The following RGL3 variants were observed in gnomAD, a reference collection of about 807,000 sequenced individuals.
RGL3 encodes the protein ral guanine nucleotide dissociation stimulator like 3.
Under a neutral mutation model 90.6 loss-of-function variants are expected in RGL3, and 85 were observed. That is an observed-to-expected ratio of 0.94 (90% CI 0.79 to 1.12). The LOEUF (loss-of-function observed/expected upper bound fraction) is 1.12. Ranked by LOEUF, RGL3 falls within the 50% of genes most tolerant of loss-of-function variation. The probability of loss-of-function intolerance (pLI) is 0.00; values close to 1 mark genes in which losing one functional copy is unlikely to be tolerated. For missense variants in RGL3, 1,034 were observed against 939.2 expected (o/e 1.10, Z -1.32); for synonymous variants, 408 against 385.5 (o/e 1.06, Z -0.68).
At chr19:11,394,562 T>A (rs987082192) in intron 18 of RGL3, 42 bp from the exon 19 acceptor site, 1 of 1,473,548 alleles carries the variant, frequency 6.8e-7, no homozygotes, top group Admixed American at 1.7e-5. Flanking sequence ...CCTCACAACC[T>A]TGTGTCACCC....
chr19:11,416,753 G>C, intron 3 of RGL3, 83 bp downstream of exon 3: 4 of 1,593,416 alleles, frequency 2.5e-6, no homozygotes, highest in Non-Finnish European at 3.4e-6. Flanking sequence ...GGTGTTTCCA[G>C]GTTCCACACC....
rs1220947054 is a variant in RGL3, at chr19:11,414,164, T to TAC, written c.637+1772_637+1773insGT. On this transcript the variant is annotated intron_variant, in intron 5 of 18. Coordinates refer to ENST00000380456, the MANE Select transcript of RGL3 (RefSeq NM_001035223.4). ...ATATATATATATATATATATATATA[T>TAC]ATATATATATATACACCTATATATA... Among the ~76,000 whole-genome samples, 128 of 111,166 alleles carry TAC rather than the reference T, an allele frequency of 1.2e-3. 2 individuals carry two copies. The highest frequency in any genetic ancestry group is 2.5e-3 in the South Asian group (9 of 3,598). 72.9% of individuals were successfully genotyped at this position (111,166 alleles called of 152,430 possible).
rs781243784 is a variant in RGL3 at position 11,406,543 on chromosome 19, A to T, written c.872T>A (p.Val291Glu). Reference sequence around the variant, plus strand: ...GTTGAACTGGGCCACGGTGGCGCGCACAGTGGGGGAGGCGCCTGCAGCCCC... The same window carrying T: ...GTTGAACTGGGCCACGGTGGCGCGCTCAGTGGGGGAGGCGCCTGCAGCCCC... Reference protein sequence around the residue: ...RPGAAGASPTVRATVAQFNTV... With the variant: ...RPGAAGASPTERATVAQFNTV... Residue 291 changes from valine to glutamate, a missense_variant, in exon 7 of 19, where the codon GTG (valine) becomes GAG (glutamate). By Grantham distance (121) the Val-to-Glu change is moderately radical (BLOSUM62 -2). Coordinates refer to ENST00000380456, the MANE Select transcript of RGL3 (RefSeq NM_001035223.4). 1.3e-5 allele frequency: 20 copies of T among 1,549,904 alleles called. No homozygotes were observed. The African/African-American group carries it at 2.7e-4, about 21-fold the overall frequency.
intron 3 of RGL3, 51 bp from the exon 4 acceptor site, chr19:11,416,718 T>C (rs1401172805): frequency 1.9e-6 from 3 of 1,600,490 alleles, no homozygotes; most frequent in African/African-American, 2.7e-5. Context: ...AGAGGGGGCT[T>C]AGGAAGAGGG....
intron 5 of RGL3, among the ~76,000 whole-genome samples, chr19:11,414,406 T>A (rs1359545637): frequency 8.3e-6 from 1 of 121,198 alleles, no homozygotes; most frequent in Non-Finnish European, 1.7e-5. Flanking sequence ...TATACCTTTA[T>A]ATATATATAC....
rs1415042186 is a variant in RGL3 at position 11,416,994 on chromosome 19, T to C, written c.213A>G (p.Ala71=). The C allele has an allele frequency of 6.2e-7, 1 of 1,613,956 alleles. No homozygotes were observed. Among genetic ancestry groups the C allele is most frequent in the South Asian group, 1.1e-5 (1 of 91,068 alleles). Residue 71 remains alanine (A), a synonymous_variant, in exon 3 of 19, where the codon GCA becomes GCG. Coordinates refer to ENST00000380456, the MANE Select transcript of RGL3 (RefSeq NM_001035223.4). ...CTCCCACCAGCCGCTCCAGGCGCGC[T>C]GCCCTCAGCACCCTCACCTTGCTGG... ...YRTSKVRVLR[A]ARLERLVGEL... is the part of the protein sequence containing the mutation.
chr19:11,407,356 C>T (rs898589248), intron 5 of RGL3, among the ~76,000 whole-genome samples: 6 of 152,022 alleles, frequency 3.9e-5, no homozygotes, highest in Admixed American at 3.3e-4. Context: ...TACTCAGTAA[C>T]TCACCACTGA....
At chr19:11,414,165 A>ATATATATATACCTT in intron 5 of RGL3, among the ~76,000 whole-genome samples, 1 of 111,234 alleles carries the variant, frequency 9.0e-6, no homozygotes, top group East Asian at 2.8e-4. Flanking sequence ...ATATATATAT[A>ATATATATATACCTT]TATATATATA....
intron 18 of RGL3, among the ~76,000 whole-genome samples, chr19:11,395,949 A>G: frequency 7.6e-6 from 1 of 131,856 alleles, no homozygotes; most frequent in Admixed American, 7.7e-5. Context: ...TTTAATTGAG[A>G]CAGGGTCTTG....
At position 11,416,150 on chromosome 19, in the gene RGL3, T is replaced by C; in HGVS notation, c.426-2A>G. On this transcript the variant is annotated splice_acceptor_variant, in intron 4 of 18. Coordinates refer to ENST00000380456, the MANE Select transcript of RGL3 (RefSeq NM_001035223.4). LOFTEE classifies it high-confidence loss of function. Reference sequence around the variant, plus strand: ...GAGCCCAGCACTGACACCACAGCCCTGGCCAGAGAGGCAGGGTCTCAGAGC... The same window carrying C: ...GAGCCCAGCACTGACACCACAGCCCCGGCCAGAGAGGCAGGGTCTCAGAGC... 1 of 1,535,504 alleles carries C rather than the reference T, an allele frequency of 6.5e-7. No homozygotes were observed. Among genetic ancestry groups the C allele is most frequent in the Admixed American group, 2.2e-5 (1 of 45,394 alleles).
At chr19:11,400,716 G>A (rs10403736) in intron 13 of RGL3, among the ~76,000 whole-genome samples, 18,363 of 151,796 alleles carry the variant, frequency 0.12, 1,513 homozygotes, top group African/African-American at 0.24. Flanking sequence ...TTAGCCAGGT[G>A]TGGTAGCTCG....
chr19:11,400,275 C>T lies in RGL3; in HGVS notation c.1507G>A (p.Glu503Lys), dbSNP rs1197657694. 1 of 1,594,034 alleles carries T rather than the reference C, an allele frequency of 6.3e-7. No homozygotes were observed. Among genetic ancestry groups the T allele is most frequent in the Admixed American group, 1.7e-5 (1 of 57,212 alleles). ...EQSYRLSRVI[E>K]PPAASCPSSP... Reference sequence around the variant, plus strand: ...CTGGGGCAGGAGGCAGCTGGTGGCTCAATGACCCGGGAGAGCCGGTAGCTG... The same window carrying T: ...CTGGGGCAGGAGGCAGCTGGTGGCTTAATGACCCGGGAGAGCCGGTAGCTG... The change falls in exon 14 of 19, where the codon GAG becomes AAG. Residue 503 changes from glutamate to lysine, a missense_variant. By Grantham distance (56) the Glu-to-Lys change is moderately conservative. Transcript: ENST00000380456.
rs1968780321 is a variant in RGL3 at position 11,406,435 on chromosome 19, C to G, written c.980G>C (p.Trp327Ser). 3 of 1,540,112 alleles carry G rather than the reference C, an allele frequency of 1.9e-6. No individual in the cohort carries two copies. The highest frequency in any genetic ancestry group is 1.7e-6 in the Non-Finnish European group (2 of 1,147,332). ...GCAACACACCTGGGCGATGCGGATC[C>G]ACTTCTCCAGCCGCTGCGCCCTCTG... ...APQRAQRLEK[W>S]IRIAQRCREL... Residue 327 changes from tryptophan to serine, a missense_variant, in exon 7 of 19, where the codon TGG becomes TCG. Coordinates refer to ENST00000380456, the MANE Select transcript of RGL3 (RefSeq NM_001035223.4).
chr19:11,406,407 C>T lies in RGL3; in HGVS notation c.996+12G>A, dbSNP rs1163975827. ...CCCGCCCCCGCATCCCCTCTCCGCG[C>T]CCGCAACACACCTGGGCGATGCGGA... On this transcript the variant is annotated intron_variant, in intron 7 of 18. Transcript: ENST00000380456. The T allele has an allele frequency of 3.9e-6, 6 of 1,526,616 alleles. No homozygotes were observed. Among genetic ancestry groups the T allele is most frequent in the African/African-American group, 2.7e-5 (2 of 72,860 alleles). 94.6% of individuals were successfully genotyped at this position (1,526,616 alleles called of 1,614,324 possible). A position where few individuals can be genotyped will look rare whatever the true frequency, so the allele number is the denominator to read the frequency against.
chr19:11,417,225 C>T (rs1234934129), intron 2 of RGL3, among the ~76,000 whole-genome samples, 166 bp from the exon 3 acceptor site: 1 of 150,814 alleles, frequency 6.6e-6, no homozygotes, highest in Non-Finnish European at 1.5e-5. Flanking sequence ...GATCTTGGGT[C>T]ACTTCAACTT....
intron 13 of RGL3, among the ~76,000 whole-genome samples, chr19:11,401,426 C>G (rs1020865608): frequency 9.4e-5 from 14 of 148,856 alleles, no homozygotes; most frequent in African/African-American, 3.5e-4. Context: ...GACGGAGTCT[C>G]GCTCTGTTGC....
chr19:11,412,280 C>CAAAAA (rs35289278), intron 5 of RGL3, among the ~76,000 whole-genome samples: 1 of 65,630 alleles, frequency 1.5e-5, no homozygotes, highest in East Asian at 3.5e-4. Flanking sequence ...AACTCCGTCT[C>CAAAAA]AAAAAAAAAA....
chr19:11,408,749 G>A (rs1968824690), intron 5 of RGL3: 1 of 152,192 alleles, frequency 6.6e-6, no homozygotes, highest in Non-Finnish European at 1.5e-5. Context: ...CCAGACATTT[G>A]TGTCTTTGAA....
intron 5 of RGL3, among the ~76,000 whole-genome samples, chr19:11,408,274 G>C (rs764071745): frequency 6.6e-6 from 1 of 152,142 alleles, no homozygotes; most frequent in Non-Finnish European, 1.5e-5. Flanking sequence ...TGTGGATTTC[G>C]TTTTTGTTTT....
Sources: allele counts gnomAD v4.1 joint callset (sites outside exome capture counted in the v4.1 genomes callset), GRCh38; gene constraint gnomAD v4.1.1; transcripts MANE v1.5; gene names NCBI Gene and HGNC (gene_info 2026-07-23, HGNC 2026-07-21).